The following OTOGL variants were observed in gnomAD, a reference collection of about 807,000 sequenced individuals.
The protein encoded by OTOGL is otogelin-like protein.
In OTOGL, 285 loss-of-function variants were observed where a neutral mutation model predicts 318.5. The ratio of observed to expected loss-of-function variants is 0.89; its 90% CI spans 0.81 to 0.99. The LOEUF is 0.99. Among genes scored for constraint, OTOGL ranks in the 50% least tolerant of loss-of-function variants. The pLI is 0.00. For missense variants in OTOGL, 2,899 were observed against 2,845.6 expected (o/e 1.02, Z -0.43); for synonymous variants, 987 against 936.5 (o/e 1.05, Z -0.99).
Position 80,257,848 on chromosome 12 carries a change from T to C in OTOGL, c.1735T>C (p.Ser579Pro). 6.3e-7 allele frequency: 1 copy of C among 1,582,350 alleles called. No homozygotes were observed. Among genetic ancestry groups the C allele is most frequent in the East Asian group, 2.2e-5 (1 of 44,752 alleles). Residue 579 changes from serine (S) to proline (P), a missense_variant, in exon 18 of 59, where the codon TCA (serine) becomes CCA (proline). Transcript: ENST00000547103. ...AGGTATTGTTGAAATTCAAACTCTG[T>C]CATCCTTATTTATACTTCTAAAAAC... ...LNGIVEIQTL[S>P]SLFILLKTTF... is the part of the protein sequence containing the mutation.
At chr12:80,347,556 G>A (rs1194912675) in intron 44 of OTOGL, among the ~76,000 whole-genome samples, 1 of 152,066 alleles carries the variant, frequency 6.6e-6, no homozygotes, top group African/African-American at 2.4e-5. Flanking sequence ...GGGCATTTGG[G>A]TTGGTTCCAA....
intron 1 of OTOGL, among the ~76,000 whole-genome samples, chr12:80,175,589 A>G (rs1341892867): frequency 4.6e-5 from 7 of 152,224 alleles, no homozygotes. Context: ...CTAGGAAAGC[A>G]AATTCTTCTT....
At chr12:80,118,922 G>A (rs1207288837) in intron 1 of OTOGL, among the ~76,000 whole-genome samples, 1 of 151,416 alleles carries the variant, frequency 6.6e-6, no homozygotes, top group East Asian at 1.9e-4. Context: ...ATTGATATTG[G>A]ATATTAAGCA....
intron 35 of OTOGL, among the ~76,000 whole-genome samples, chr12:80,324,576 T>C (rs547293871): frequency 6.6e-6 from 1 of 152,284 alleles, no homozygotes; most frequent in East Asian, 1.9e-4. Flanking sequence ...TGATCTGATT[T>C]ATGTTTTAAA....
At chr12:80,130,393 C>T (rs937916678) in intron 1 of OTOGL, among the ~76,000 whole-genome samples, 1 of 152,188 alleles carries the variant, frequency 6.6e-6, no homozygotes, top group African/African-American at 2.4e-5. Flanking sequence ...AGCTAAAGGT[C>T]AGAACTATGC....
intron 54 of OTOGL, 57 bp downstream of exon 54, chr12:80,367,796 G>A: frequency 1.7e-6 from 2 of 1,203,290 alleles, no homozygotes; most frequent in South Asian, 2.3e-5. Flanking sequence ...AAATGGCAGA[G>A]TTATAGAATT....
intron 1 of OTOGL, among the ~76,000 whole-genome samples, chr12:80,141,246 G>A (rs1304036711): frequency 6.6e-6 from 1 of 151,990 alleles, no homozygotes; most frequent in Non-Finnish European, 1.5e-5. Context: ...AGTAAGCCGT[G>A]GCATTATCTT....
At chr12:80,103,949 G>A (rs955807401) in intron 1 of OTOGL, among the ~76,000 whole-genome samples, 1 of 151,960 alleles carries the variant, frequency 6.6e-6, no homozygotes, top group African/African-American at 2.4e-5. Context: ...TGTGGCCAGG[G>A]GTCAAAATAT....
At chr12:80,290,649 G>A (rs75673786) in intron 26 of OTOGL, among the ~76,000 whole-genome samples, 4,926 of 152,102 alleles carry the variant, frequency 0.032, 265 homozygotes, top group African/African-American at 0.11. Flanking sequence ...ATTCTGTGAA[G>A]CTTTATTTTT....
chr12:80,341,245 G>C, intron 43 of OTOGL, among the ~76,000 whole-genome samples: 1 of 152,088 alleles, frequency 6.6e-6, no homozygotes, highest in East Asian at 1.9e-4. Flanking sequence ...GTAAATAGAG[G>C]CTGCAGCAGG....
intron 1 of OTOGL, among the ~76,000 whole-genome samples, chr12:80,116,791 C>T (rs1048629414): frequency 3.9e-5 from 6 of 152,184 alleles, no homozygotes; most frequent in Non-Finnish European, 8.8e-5. Flanking sequence ...TCTTAATCCT[C>T]TCCTTCCAAG....
intron 1 of OTOGL, among the ~76,000 whole-genome samples, chr12:80,135,172 A>G (rs1188799378): frequency 1.3e-5 from 2 of 148,558 alleles, no homozygotes; most frequent in Non-Finnish European, 1.5e-5. Context: ...TTCATCTCAT[A>G]TCACTAGGTT....
chr12:80,142,421 G>A (rs1872011665), intron 1 of OTOGL, among the ~76,000 whole-genome samples: 1 of 152,142 alleles, frequency 6.6e-6, no homozygotes. Flanking sequence ...TGGTGGGAAA[G>A]GAGGTGAATT....
intron 52 of OTOGL, among the ~76,000 whole-genome samples, chr12:80,360,451 G>A (rs1411627379): frequency 1.2e-4 from 9 of 77,058 alleles, no homozygotes; most frequent in Non-Finnish European, 1.2e-4. Context: ...CCCCCCCCTC[G>A]CTCTTTCCCT....
chr12:80,235,327 T>C (rs370337256), intron 9 of OTOGL, among the ~76,000 whole-genome samples: 7 of 151,986 alleles, frequency 4.6e-5, no homozygotes, highest in Admixed American at 6.5e-5. Flanking sequence ...TAGCCAGGCG[T>C]GGTGGCAGAC....
At position 80,237,849 on chromosome 12, in the gene OTOGL, T is replaced by C. The variant is rs114856106; in HGVS notation, c.818-1002T>C. 6.2e-3 allele frequency among the ~76,000 whole-genome samples: 949 copies of C among 152,358 alleles called. 13 individuals carry two copies. The highest frequency in any genetic ancestry group is 0.022 in the African/African-American group (908 of 41,586). ...TGGCAAACATTTGGCTGGAGATTTCTGACTCTAGTGGTGCAATAGATTGTC... is the reference window on the plus strand; with the variant it reads ...TGGCAAACATTTGGCTGGAGATTTCCGACTCTAGTGGTGCAATAGATTGTC... On this transcript the variant is annotated intron_variant, in intron 9 of 58. Coordinates refer to ENST00000547103, the MANE Select transcript of OTOGL (RefSeq NM_001378609.3).
At chr12:80,278,726 A>T (rs1883992522) in intron 25 of OTOGL, among the ~76,000 whole-genome samples, 1 of 151,550 alleles carries the variant, frequency 6.6e-6, no homozygotes, top group Admixed American at 6.6e-5. Context: ...GGGAGATGGC[A>T]TTGTGCTTTT....
rs76297160 is a variant in OTOGL at position 80,251,766 on chromosome 12, A to G, written c.1126A>G (p.Ile376Val). The change falls in exon 12 of 59, where the codon ATT (isoleucine) becomes GTT (valine). Residue 376 changes from isoleucine to valine, a missense_variant. Physicochemically the swap from Ile to Val is conservative, Grantham distance 29 (BLOSUM62 3). Coordinates refer to ENST00000547103, the MANE Select transcript of OTOGL (RefSeq NM_001378609.3). Reference protein sequence around the residue: ...ARACSHAGYPIQDWRDDFPAC... With the variant: ...ARACSHAGYPVQDWRDDFPAC... Reference sequence around the variant, plus strand: ...AGCCTGCTCTCATGCTGGCTACCCTATTCAAGACTGGAGAGATGACTTTCC... The same window carrying G: ...AGCCTGCTCTCATGCTGGCTACCCTGTTCAAGACTGGAGAGATGACTTTCC... 2.0e-3 allele frequency: 3,151 copies of G among 1,588,680 alleles called. 62 individuals carry two copies. The African/African-American group carries it at 0.037, about 19-fold the overall frequency.
intron 1 of OTOGL, among the ~76,000 whole-genome samples, chr12:80,195,252 A>G (rs1160603459): frequency 6.6e-6 from 1 of 152,228 alleles, no homozygotes; most frequent in African/African-American, 2.4e-5. Context: ...CAGAATTTGC[A>G]GTTTGGCTCA....
Sources: allele counts gnomAD v4.1 joint callset (sites outside exome capture counted in the v4.1 genomes callset), GRCh38; gene constraint gnomAD v4.1.1; transcripts MANE v1.5; gene names NCBI Gene and HGNC (gene_info 2026-07-23, HGNC 2026-07-21).